The following UBASH3B variants were observed in gnomAD, a reference collection of about 807,000 sequenced individuals.
UBASH3B encodes the protein ubiquitin associated and SH3 domain containing B, also known as ubiquitin-associated and SH3 domain-containing protein B.
Under a neutral mutation model 83.4 loss-of-function variants are expected in UBASH3B, and 37 were observed. The ratio of observed to expected loss-of-function variants is 0.44; its 90% CI spans 0.34 to 0.58. The LOEUF is 0.58. UBASH3B is among the 20% of genes least tolerant of loss of function. UBASH3B has a pLI of 0.01. For missense variants in UBASH3B, 657 were observed against 827.2 expected (o/e 0.79, Z 2.52); for synonymous variants, 304 against 318.3 (o/e 0.96, Z 0.48).
chr11:122,778,736 C>G (rs1425240069), intron 3 of UBASH3B, among the ~76,000 whole-genome samples: 1 of 151,940 alleles, frequency 6.6e-6, no homozygotes, highest in African/African-American at 2.4e-5. Flanking sequence ...TCCCAAGTAG[C>G]TGGGATTATA....
intron 1 of UBASH3B, among the ~76,000 whole-genome samples, chr11:122,669,409 T>C (rs1863561704): frequency 6.6e-6 from 1 of 152,172 alleles, no homozygotes; most frequent in South Asian, 2.1e-4. Flanking sequence ...ACTCCTTTCC[T>C]TGTAAGGGCC....
chr11:122,662,651 G>A (rs1327663926), intron 1 of UBASH3B, among the ~76,000 whole-genome samples: 1 of 151,730 alleles, frequency 6.6e-6, no homozygotes, highest in East Asian at 1.9e-4. Flanking sequence ...GGCTGGTCTC[G>A]AACTCCTGAC....
Position 122,813,464 on chromosome 11 carries a change from C to A in UBASH3B, c.*3578C>A, listed in dbSNP as rs775593877. ...GTGATGAATTGCTCTTTTGAAATTA[C>A]TCTAAGTAATCCATGTGTTAGAATA... is the stretch of plus-strand genomic sequence containing the variant. On this transcript the variant is annotated 3_prime_UTR_variant, in exon 14 of 14. Transcript: ENST00000284273. 1 of 152,216 alleles carries A rather than the reference C, an allele frequency of 6.6e-6. No individual in the cohort carries two copies. Among genetic ancestry groups the A allele is most frequent in the Non-Finnish European group, 1.5e-5 (1 of 68,038 alleles). 9.4% of individuals were successfully genotyped at this position (152,216 alleles called of 1,614,324 possible).
chr11:122,668,918 G>C (rs988134960), intron 1 of UBASH3B, among the ~76,000 whole-genome samples: 2 of 152,140 alleles, frequency 1.3e-5, no homozygotes, highest in African/African-American at 4.8e-5. Context: ...TTCCGTCAGC[G>C]TGAGGAACAG....
intron 1 of UBASH3B, among the ~76,000 whole-genome samples, chr11:122,706,360 A>G (rs1215504389): frequency 2.0e-5 from 3 of 151,870 alleles, no homozygotes; most frequent in Non-Finnish European, 2.9e-5. Flanking sequence ...ATTGCTATAC[A>G]CTTTTGCTGG....
intron 10 of UBASH3B, 51 bp from the exon 11 acceptor site, chr11:122,801,137 C>A: frequency 1.3e-6 from 2 of 1,598,626 alleles, no homozygotes; most frequent in Non-Finnish European, 1.7e-6. Flanking sequence ...AACAACTTGG[C>A]CTGAGAATCC....
At chr11:122,705,844 G>A (rs1266234112) in intron 1 of UBASH3B, among the ~76,000 whole-genome samples, 4 of 152,132 alleles carry the variant, frequency 2.6e-5, no homozygotes, top group Non-Finnish European at 4.4e-5. Flanking sequence ...ACAGGACTTC[G>A]TTCCACCCTT....
chr11:122,671,446 C>T (rs942776675), intron 1 of UBASH3B, among the ~76,000 whole-genome samples: 3 of 152,224 alleles, frequency 2.0e-5, no homozygotes, highest in Non-Finnish European at 4.4e-5. Context: ...CCTCCTGGGA[C>T]GTCAGGCCTC....
At chr11:122,765,228 G>C (rs1199030042) in intron 1 of UBASH3B, among the ~76,000 whole-genome samples, 2 of 152,212 alleles carry the variant, frequency 1.3e-5, no homozygotes, top group Non-Finnish European at 2.9e-5. Flanking sequence ...AGACAGAGAG[G>C]CAGTGAAATT....
Position 122,779,676 on chromosome 11 carries a change from AG to A in UBASH3B, c.583del (p.Glu195ArgfsTer19). 1 of 1,614,228 alleles carries A rather than the reference AG, an allele frequency of 6.2e-7. No homozygotes were observed. Among genetic ancestry groups the A allele is most frequent in the Non-Finnish European group, 8.5e-7 (1 of 1,180,036 alleles). ...LKKFAADFAA[E>X]AASKTEVHVE... ...AGAAGTTTGCTGCTGACTTTGCTGC[AG>A]AGGCTGCATCCAAAACCGGTGAGCA... On this transcript the variant is annotated frameshift_variant, in exon 4 of 14. Transcript: ENST00000284273. LOFTEE classifies it high-confidence loss of function.
intron 1 of UBASH3B, among the ~76,000 whole-genome samples, chr11:122,686,734 A>G (rs944965076): frequency 6.6e-6 from 1 of 152,142 alleles, no homozygotes; most frequent in Non-Finnish European, 1.5e-5. Context: ...TAACTAGTCC[A>G]GGTGTTGACT....
At chr11:122,728,766 A>G (rs2135950772) in intron 1 of UBASH3B, among the ~76,000 whole-genome samples, 1 of 152,368 alleles carries the variant, frequency 6.6e-6, no homozygotes. Context: ...TAAACAGTTT[A>G]TCATCTAAGA....
At chr11:122,799,142 G>C in intron 10 of UBASH3B, 108 bp downstream of exon 10, 1 of 898,718 alleles carries the variant, frequency 1.1e-6, no homozygotes, top group Non-Finnish European at 1.7e-6. Context: ...TGAAAGCTTT[G>C]AATCTGGAAT....
intron 2 of UBASH3B, 109 bp from the exon 3 acceptor site, chr11:122,776,915 C>G (rs1162756755): frequency 9.6e-7 from 1 of 1,046,292 alleles, no homozygotes; most frequent in African/African-American, 1.6e-5. Context: ...CCCTTCCCCG[C>G]GCTGTGCCGG....
At chr11:122,701,869 C>T (rs887806644) in intron 1 of UBASH3B, among the ~76,000 whole-genome samples, 3 of 151,948 alleles carry the variant, frequency 2.0e-5, no homozygotes. Context: ...TTGTTTGTTT[C>T]CAAGAAACTG....
chr11:122,699,809 C>G (rs571844493), intron 1 of UBASH3B, among the ~76,000 whole-genome samples: 4 of 152,126 alleles, frequency 2.6e-5, no homozygotes, highest in Non-Finnish European at 4.4e-5. Context: ...GTCTTGAACT[C>G]CTGAGCTCAA....
intron 1 of UBASH3B, among the ~76,000 whole-genome samples, chr11:122,741,870 A>C (rs1206253547): frequency 2.6e-5 from 4 of 152,028 alleles, no homozygotes; most frequent in African/African-American, 4.8e-5. Context: ...ACCAGCCTTG[A>C]GCAATTCCTA....
intron 1 of UBASH3B, among the ~76,000 whole-genome samples, chr11:122,725,797 G>T (rs1460771038): frequency 6.6e-6 from 1 of 151,824 alleles, no homozygotes; most frequent in Non-Finnish European, 1.5e-5. Flanking sequence ...GGGTTCAAGC[G>T]ATTCTCCTGC....
chr11:122,707,883 T>TG (rs1864143821), intron 1 of UBASH3B, among the ~76,000 whole-genome samples: 1 of 151,992 alleles, frequency 6.6e-6, no homozygotes, highest in South Asian at 2.1e-4. Flanking sequence ...TTGGCAGAGA[T>TG]GGGGTTTCAC....
Sources: allele counts gnomAD v4.1 joint callset (sites outside exome capture counted in the v4.1 genomes callset), GRCh38; gene constraint gnomAD v4.1.1; transcripts MANE v1.5; gene names NCBI Gene and HGNC (gene_info 2026-07-23, HGNC 2026-07-21).